DLC1: variants seen among roughly 807,000 people sequenced by gnomAD.
DLC1 encodes DLC1 Rho GTPase activating protein.
Under a neutral mutation model 140.3 loss-of-function variants are expected in DLC1, and 54 were observed. The ratio of observed to expected loss-of-function variants is 0.38; its 90% CI spans 0.31 to 0.48. DLC1 has a LOEUF of 0.48. Ranked by LOEUF, DLC1 falls within the 20% of genes least tolerant of loss-of-function variation. The pLI is 0.96. For missense variants in DLC1, 2,536 were observed against 1,907.0 expected (o/e 1.33, Z -6.14); for synonymous variants, 986 against 728.1 (o/e 1.35, Z -5.70).
intron 1 of DLC1, among the ~76,000 whole-genome samples, chr8:13,600,674 C>G (rs1805845633): frequency 6.6e-6 from 1 of 151,714 alleles, no homozygotes; most frequent in Non-Finnish European, 1.5e-5. Context: ...AGTTTGATGC[C>G]TTTCAAAATC....
At chr8:13,098,979 G>C (rs146744079) in intron 9 of DLC1, among the ~76,000 whole-genome samples, 2,670 of 152,090 alleles carry the variant, frequency 0.018, 25 homozygotes, top group Middle Eastern at 0.048. Flanking sequence ...CTTATCTTAG[G>C]AACTGATAGG....
chr8:13,436,243 A>G (rs1563344782), intron 2 of DLC1, among the ~76,000 whole-genome samples: 1 of 152,196 alleles, frequency 6.6e-6, no homozygotes, highest in Non-Finnish European at 1.5e-5. Context: ...TTCCTACTGT[A>G]TGAATGTGCG....
chr8:13,313,350 C>G (rs945475640), intron 4 of DLC1, among the ~76,000 whole-genome samples: 2 of 152,168 alleles, frequency 1.3e-5, no homozygotes, highest in Admixed American at 6.5e-5. Context: ...AAGAAGTAAT[C>G]TAATTGTGAA....
At chr8:13,236,043 A>AT (rs1240998773) in intron 5 of DLC1, among the ~76,000 whole-genome samples, 1 of 151,996 alleles carries the variant, frequency 6.6e-6, no homozygotes, top group Non-Finnish European at 1.5e-5. Context: ...TATGGAACCC[A>AT]TTTTTCAAAT....
intron 4 of DLC1, among the ~76,000 whole-genome samples, chr8:13,365,404 C>T (rs1273354753): frequency 6.6e-6 from 1 of 152,100 alleles, no homozygotes; most frequent in Non-Finnish European, 1.5e-5. Flanking sequence ...CTACTGGCCT[C>T]AATTCACTTG....
chr8:13,292,336 G>T (rs1831788367), intron 5 of DLC1, among the ~76,000 whole-genome samples: 1 of 152,176 alleles, frequency 6.6e-6, no homozygotes, highest in Non-Finnish European at 1.5e-5. Context: ...TGGACCATCT[G>T]GGAGAACGGC....
At chr8:13,243,937 G>A (rs2117254466) in intron 5 of DLC1, among the ~76,000 whole-genome samples, 1 of 152,252 alleles carries the variant, frequency 6.6e-6, no homozygotes, top group East Asian at 1.9e-4. Flanking sequence ...TTGTGTATCT[G>A]TGGAGGTCAC....
At chr8:13,548,225 C>T (rs761839554) in intron 1 of DLC1, among the ~76,000 whole-genome samples, 10 of 152,138 alleles carry the variant, frequency 6.6e-5, no homozygotes, top group Admixed American at 2.0e-4. Flanking sequence ...AACAATCCCA[C>T]GCCTACCCGA....
intron 5 of DLC1, among the ~76,000 whole-genome samples, chr8:13,223,197 C>A (rs1437839910): frequency 6.6e-6 from 1 of 151,838 alleles, no homozygotes; most frequent in African/African-American, 2.4e-5. Context: ...TGAAATGCTA[C>A]ATATAAAAAT....
intron 4 of DLC1, among the ~76,000 whole-genome samples, chr8:13,330,177 A>G (rs1229690847): frequency 1.3e-5 from 2 of 152,030 alleles, no homozygotes; most frequent in Non-Finnish European, 2.9e-5. Flanking sequence ...GTTGCCCAGG[A>G]TGGTCTTCAA....
At chr8:13,450,502 C>T (rs1425732790) in intron 2 of DLC1, among the ~76,000 whole-genome samples, 1 of 147,936 alleles carries the variant, frequency 6.8e-6, no homozygotes, top group Admixed American at 6.7e-5. Context: ...TGCAGTTACA[C>T]CTTTTTAAAA....
At chr8:13,354,914 C>G (rs1834851924) in intron 4 of DLC1, among the ~76,000 whole-genome samples, 4 of 146,332 alleles carry the variant, frequency 2.7e-5, no homozygotes, top group Admixed American at 1.4e-4. Context: ...GAGAATACCA[C>G]TGCACTCCAG....
At chr8:13,566,435 T>G (rs925640471) in intron 1 of DLC1, among the ~76,000 whole-genome samples, 1 of 145,374 alleles carries the variant, frequency 6.9e-6, no homozygotes, top group Non-Finnish European at 1.5e-5. Context: ...ACAGAATGGT[T>G]TCTGTATTTT....
At chr8:13,561,845 G>C (rs549276389) in intron 1 of DLC1, among the ~76,000 whole-genome samples, 1 of 152,148 alleles carries the variant, frequency 6.6e-6, no homozygotes, top group Non-Finnish European at 1.5e-5. Context: ...TCTACTACTA[G>C]TTCAAAATGT....
Position 13,499,644 on chromosome 8 carries a change from C to T in DLC1, c.428G>A (p.Gly143Glu), listed in dbSNP as rs1801694730. ...CAGTGCCTTTTCTAAGGAGCCTGCT[C>T]CTTGGATCATATGTTGGCCTGATGT... ...QKTSGQHMIQ[G>E]AGSLEKALPI... The change falls in exon 2 of 18, where the codon GGA becomes GAA. Residue 143 changes from glycine to glutamate, a missense_variant. Transcript: ENST00000276297. 6.2e-7 allele frequency: 1 copy of T among 1,614,126 alleles called. No homozygotes were observed. Among genetic ancestry groups the T allele is most frequent in the Non-Finnish European group, 8.5e-7 (1 of 1,180,002 alleles).
rs1031383801 is a variant in DLC1 at position 13,189,204 on chromosome 8, C to A, written c.1349-73547G>T. ...CATTCAACAATAGAGGCTAAAATAGCCTCTTCCTGTTAAGGTTATATACAG... is the reference window on the plus strand; with the variant it reads ...CATTCAACAATAGAGGCTAAAATAGACTCTTCCTGTTAAGGTTATATACAG... On this transcript the variant is annotated intron_variant, in intron 5 of 17. Transcript: ENST00000276297. Among the ~76,000 whole-genome samples the A allele has an allele frequency of 3.9e-5, 6 of 152,060 alleles. No homozygotes were observed. In the East Asian group the frequency reaches 1.2e-3, roughly 29 times the overall value.
At chr8:13,117,906 T>G (rs923232712) in intron 5 of DLC1, among the ~76,000 whole-genome samples, 2 of 152,204 alleles carry the variant, frequency 1.3e-5, no homozygotes, top group African/African-American at 4.8e-5. Context: ...TAAGCAATCT[T>G]TATATTTTTT....
intron 1 of DLC1, among the ~76,000 whole-genome samples, chr8:13,537,005 A>G (rs1219308886): frequency 6.6e-6 from 1 of 152,198 alleles, no homozygotes; most frequent in Admixed American, 6.5e-5. Flanking sequence ...CTTGTTAAGT[A>G]GCCAATATAC....
chr8:13,306,676 C>G (rs1832449731), intron 4 of DLC1, among the ~76,000 whole-genome samples: 1 of 151,788 alleles, frequency 6.6e-6, no homozygotes, highest in Non-Finnish European at 1.5e-5. Flanking sequence ...TAGCAAATAT[C>G]AAGACGTCTA....
Sources: gnomAD v4.1 joint callset for allele counts (sites outside exome capture counted in the v4.1 genomes callset) on GRCh38, gnomAD v4.1.1 for gene constraint, MANE v1.5 for transcripts, NCBI Gene and HGNC (gene_info 2026-07-23, HGNC 2026-07-21) for gene names.